The following DTYMK variants were observed in gnomAD, a reference collection of about 807,000 sequenced individuals.
The protein encoded by DTYMK is deoxythymidylate kinase, also known as thymidylate kinase.
In DTYMK, 20 loss-of-function variants were observed where a neutral mutation model predicts 20.3. The ratio of observed to expected loss-of-function variants is 0.99; its 90% confidence interval spans 0.69 to 1.43. The LOEUF (loss-of-function observed/expected upper bound fraction) is 1.43. DTYMK is among the 40% of genes most tolerant of loss of function. DTYMK has a pLI of 0.00. For missense variants in DTYMK, 320 were observed against 291.1 expected, an observed-to-expected ratio of 1.10 and a Z score of -0.72; for synonymous variants, 148 against 124.4, an observed-to-expected ratio of 1.19 and a Z score of -1.27.
chr2:241,682,294 T>G (rs779283732), intron 2 of DTYMK: 2 of 452,782 alleles, frequency 4.4e-6, no homozygotes, highest in South Asian at 3.1e-5. Flanking sequence ...TAAGCTGTGA[T>G]TGCGCACTGC....
At position 241,678,440 on chromosome 2, in the gene DTYMK, T is replaced by C. The variant is rs2069166042; in HGVS notation, c.528+12A>G. ...CTCCACGCTTCCTAGTGTGCAATTC[T>C]GGGATTCTCACCTTCCAGTTCAAAG... On this transcript the variant is annotated intron_variant, in intron 4 of 4. Coordinates refer to ENST00000305784, the MANE Select transcript of DTYMK (RefSeq NM_012145.4). The C allele has an allele frequency of 1.9e-6, 3 of 1,614,018 alleles. No homozygotes were observed. Among genetic ancestry groups the C allele is most frequent in the Admixed American group, 1.7e-5 (1 of 59,998 alleles).
Position 241,676,148 on chromosome 2 carries a change from C to A in DTYMK, c.618G>T (p.Pro206=), listed in dbSNP as rs368227749. 2 of 1,612,272 alleles carry A rather than the reference C, an allele frequency of 1.2e-6. No homozygotes were observed. The highest frequency in any genetic ancestry group is 1.7e-6 in the Non-Finnish European group (2 of 1,179,154). ...EDAIRTATEK[P]LGELWK ...TGGGTCACTTCCATAGCTCCCCCAG[C>A]GGCTTCTCTGTGGCAGTGCGGATGG... The change falls in exon 5 of 5, where the codon CCG becomes CCT. Residue 206 remains proline (P), a synonymous_variant. Coordinates refer to ENST00000305784, the MANE Select transcript of DTYMK (RefSeq NM_012145.4).
intron 2 of DTYMK, chr2:241,684,665 T>C (rs190612695): frequency 1.6e-5 from 7 of 436,814 alleles, no homozygotes; most frequent in Admixed American, 9.2e-5. Flanking sequence ...CTAACTATAG[T>C]AGTTTCTACA....
Position 241,675,982 on chromosome 2 carries a change from A to G in DTYMK, c.*145T>C. On this transcript the variant is annotated 3_prime_UTR_variant, in exon 5 of 5. Coordinates refer to ENST00000305784, the MANE Select transcript of DTYMK (RefSeq NM_012145.4). ...CCCCAGTGCACCCCAGCTCCGGGGCAGAAGAGGCAGCCTGCAGATCTCTGC... is the reference window on the plus strand; with the variant it reads ...CCCCAGTGCACCCCAGCTCCGGGGCGGAAGAGGCAGCCTGCAGATCTCTGC... 3.8e-6 allele frequency: 3 copies of G among 784,102 alleles called. 1 individual carries two copies. In the South Asian group the frequency reaches 6.0e-5, roughly 16 times the overall value. The allele number at this position is 784,102 out of a possible 1,614,324, so 48.6% of individuals were successfully genotyped here.
At chr2:241,678,761 G>A (rs2069175834) in intron 3 of DTYMK, 112 bp from the exon 4 acceptor site, 2 of 1,193,918 alleles carry the variant, frequency 1.7e-6, no homozygotes, top group South Asian at 2.9e-5. Flanking sequence ...CAAGATGTGA[G>A]ACTGTTTATA....
chr2:241,678,660 A>G lies in DTYMK; in HGVS notation c.331-11T>C. The G allele has an allele frequency of 6.2e-7, 1 of 1,613,854 alleles. No homozygotes were observed. Among genetic ancestry groups the G allele is most frequent in the Non-Finnish European group, 8.5e-7 (1 of 1,179,944 alleles). On this transcript the variant is annotated splice_polypyrimidine_tract_variant and intron_variant, in intron 3 of 4. Coordinates refer to ENST00000305784, the MANE Select transcript of DTYMK (RefSeq NM_012145.4). Reference sequence around the variant, plus strand: ...ATCTAGGGAAAAATTCTGCCAAGAAAGAACCCAACAGTTAAAGCTTAGTGT... The same window carrying G: ...ATCTAGGGAAAAATTCTGCCAAGAAGGAACCCAACAGTTAAAGCTTAGTGT...
At chr2:241,676,295 C>A in intron 4 of DTYMK, 58 bp from the exon 5 acceptor site, 5 of 1,482,968 alleles carry the variant, frequency 3.4e-6, no homozygotes, top group South Asian at 1.2e-5. Context: ...CCAGGCTGGT[C>A]ACGGGAGCCC....
rs1009294763 is a variant in DTYMK, at chr2:241,680,284, G to A, written c.275C>T (p.Thr92Ile). Residue 92 changes from threonine (T) to isoleucine (I), a missense_variant, in exon 3 of 5, where the codon ACC becomes ATC. Physicochemically the swap from Thr to Ile is moderately conservative, Grantham distance 89 (BLOSUM62 -1). Coordinates refer to ENST00000305784, the MANE Select transcript of DTYMK (RefSeq NM_012145.4). ...AAATGCGTATCTGTCCACGACGAGG[G>A]TCACGCCCTGGCTCAACTTTTCCTT... ...LIKEKLSQGV[T>I]LVVDRYAFSG... 1 of 1,614,176 alleles carries A rather than the reference G, an allele frequency of 6.2e-7. No individual in the cohort carries two copies. Among genetic ancestry groups the A allele is most frequent in the Admixed American group, 1.7e-5 (1 of 60,018 alleles).
chr2:241,685,015 G>A, intron 2 of DTYMK: 1 of 181,268 alleles, frequency 5.5e-6, no homozygotes, highest in Non-Finnish European at 1.2e-5. Context: ...GATATGGTGA[G>A]ACCTTGACTC....
At chr2:241,685,964 G>C in intron 1 of DTYMK, 87 bp from the exon 2 acceptor site, 1 of 1,336,638 alleles carries the variant, frequency 7.5e-7, no homozygotes, top group Non-Finnish European at 1.0e-6. Context: ...ATTTCTCCCG[G>C]ACTCAAGTCT....
intron 2 of DTYMK, among the ~76,000 whole-genome samples, chr2:241,682,573 A>G (rs1167507779): frequency 6.6e-6 from 1 of 152,216 alleles, no homozygotes; most frequent in African/African-American, 2.4e-5. Context: ...TCATCACTTG[A>G]GCCCAGGAAT....
chr2:241,684,064 A>C (rs1299922140), intron 2 of DTYMK, among the ~76,000 whole-genome samples: 1 of 152,162 alleles, frequency 6.6e-6, no homozygotes, highest in African/African-American at 2.4e-5. Context: ...TCTCAAAAAA[A>C]ACCAAAACAA....
chr2:241,684,724 T>A (rs1467750535), intron 2 of DTYMK: 1 of 467,682 alleles, frequency 2.1e-6, no homozygotes, highest in East Asian at 7.0e-5. Context: ...ACATCAACAT[T>A]AAGTGTTGAA....
chr2:241,677,323 C>T (rs1559282624), intron 4 of DTYMK, among the ~76,000 whole-genome samples: 2 of 152,248 alleles, frequency 1.3e-5, no homozygotes, highest in African/African-American at 4.8e-5. Flanking sequence ...TCGCCCAGAA[C>T]CGCCCAAGAT....
chr2:241,684,625 A>G (rs951835280), intron 2 of DTYMK: 5 of 409,122 alleles, frequency 1.2e-5, no homozygotes, highest in African/African-American at 8.4e-5. Context: ...TTTGTATGGT[A>G]TGACCTCATT....
chr2:241,682,274 G>A (rs988106679), intron 2 of DTYMK: 13 of 453,000 alleles, frequency 2.9e-5, no homozygotes, highest in African/African-American at 4.0e-5. Flanking sequence ...CCGGGAGGTC[G>A]AGGCTGCAGT....
In DTYMK at chr2:241,686,794, C is replaced by A. The variant is rs1012373058; in HGVS notation, c.-11G>T. On this transcript the variant is annotated 5_prime_UTR_variant, in exon 1 of 5. Coordinates refer to ENST00000305784, the MANE Select transcript of DTYMK (RefSeq NM_012145.4). ...GCGCCGGGCCGCCATGACTGTCCACCGCCCGCCGCTGGCGTCTCCACGCAG... is the reference window on the plus strand; with the variant it reads ...GCGCCGGGCCGCCATGACTGTCCACAGCCCGCCGCTGGCGTCTCCACGCAG... The A allele has an allele frequency of 6.9e-7, 1 of 1,445,668 alleles. No homozygotes were observed. The highest frequency in any genetic ancestry group is 9.0e-7 in the Non-Finnish European group (1 of 1,112,068). The allele number at this position is 1,445,668 out of a possible 1,614,324, so 89.6% of individuals were successfully genotyped here.
intron 2 of DTYMK, chr2:241,682,341 A>C (rs1189532406): frequency 2.5e-6 from 1 of 398,154 alleles, no homozygotes; most frequent in South Asian, 1.8e-5. Context: ...TGTCTAAAAA[A>C]AGAAAAGAGA....
intron 2 of DTYMK, chr2:241,682,696 T>G (rs1575106992): frequency 6.0e-6 from 1 of 165,978 alleles, no homozygotes; most frequent in Non-Finnish European, 1.3e-5. Flanking sequence ...CTAAAGCAGG[T>G]GGATCACCTG....
Sources: allele counts gnomAD v4.1 joint callset (sites outside exome capture counted in the v4.1 genomes callset), GRCh38; gene constraint gnomAD v4.1.1; transcripts MANE v1.5; gene names NCBI Gene and HGNC (gene_info 2026-07-23, HGNC 2026-07-21).